GALNT13: variants seen among roughly 807,000 people sequenced by gnomAD.
The protein encoded by GALNT13 is polypeptide N-acetylgalactosaminyltransferase 13.
GALNT13 carries 28 observed loss-of-function variants against 64.2 expected under a neutral mutation model. The ratio of observed to expected loss-of-function variants is 0.44; its 90% CI spans 0.32 to 0.60. GALNT13 has a LOEUF of 0.60. Ranked by LOEUF, GALNT13 falls within the 20% of genes least tolerant of loss-of-function variation. GALNT13 has a pLI of 0.05. For synonymous variants in GALNT13, 214 were observed against 224.6 expected (o/e 0.95, Z 0.42); for missense variants, 577 against 669.8 (o/e 0.86, Z 1.53).
chr2:153,294,438 A>T, the GALNT13 span, among the ~76,000 whole-genome samples: 1 of 152,314 alleles, frequency 6.6e-6, no homozygotes, highest in Non-Finnish European at 1.5e-5. Flanking sequence ...GTGGATTCAG[A>T]TACTGTGGAG....
the GALNT13 span, among the ~76,000 whole-genome samples, chr2:153,506,982 T>C: frequency 2.0e-5 from 3 of 152,212 alleles, no homozygotes; most frequent in African/African-American, 7.2e-5. Flanking sequence ...TCAATCATTC[T>C]TAGGTTTAGA....
the GALNT13 span, among the ~76,000 whole-genome samples, chr2:153,411,180 T>TATA: frequency 3.9e-3 from 352 of 91,100 alleles, 2 homozygotes; most frequent in East Asian, 0.029. Context: ...TATATATATA[T>TATA]TTTTTTTTTT....
At chr2:153,166,119 A>G in the GALNT13 span, among the ~76,000 whole-genome samples, 2 of 152,024 alleles carry the variant, frequency 1.3e-5, no homozygotes, top group African/African-American at 4.8e-5. Flanking sequence ...AAGATTCCCC[A>G]CTCATTTCCT....
chr2:153,126,828 A>G, the GALNT13 span, among the ~76,000 whole-genome samples: 5,216 of 152,290 alleles, frequency 0.034, 202 homozygotes, highest in East Asian at 0.18. Context: ...CTTCATTCAG[A>G]GTGGCACATC....
chr2:153,268,463 G>A, the GALNT13 span, among the ~76,000 whole-genome samples: 1 of 152,170 alleles, frequency 6.6e-6, no homozygotes, highest in East Asian at 1.9e-4. Flanking sequence ...CCCCCTTCCT[G>A]ACTGCTTTCA....
intron 3 of GALNT13, among the ~76,000 whole-genome samples, chr2:154,130,589 C>T (rs1306498983): frequency 1.3e-5 from 2 of 152,080 alleles, no homozygotes; most frequent in East Asian, 1.9e-4. Flanking sequence ...TTAGAGCCTG[C>T]TAATACTTGC....
the GALNT13 span, among the ~76,000 whole-genome samples, chr2:153,215,795 C>T: frequency 2.0e-5 from 3 of 151,324 alleles, no homozygotes; most frequent in East Asian, 1.9e-4. Context: ...TTAAAAGGTA[C>T]TTTAACTAGT....
chr2:153,869,227 T>G (rs944109616), upstream of GALNT13, among the ~76,000 whole-genome samples: 7 of 152,316 alleles, frequency 4.6e-5, no homozygotes, highest in African/African-American at 1.7e-4. Flanking sequence ...TTAATATTGA[T>G]ATAAAACTAA....
In GALNT13 at chr2:154,437,601, A is replaced by G. The variant is rs188310886; in HGVS notation, c.1396-991A>G. Reference sequence around the variant, plus strand: ...GCTGGGCATGGCGGCTCACACCTGTAATCCCAGCACTTTGGGAGGCCGAGG... The same window carrying G: ...GCTGGGCATGGCGGCTCACACCTGTGATCCCAGCACTTTGGGAGGCCGAGG... On this transcript the variant is annotated intron_variant, in intron 11 of 12. Coordinates refer to ENST00000392825, the MANE Select transcript of GALNT13 (RefSeq NM_052917.4). The G allele has an allele frequency of 4.1e-4, 494 of 1,196,936 alleles. 10 individuals carry two copies. The East Asian group carries it at 0.021, about 50-fold the overall frequency. The allele number at this position is 1,196,936 out of a possible 1,614,324, so 74.1% of individuals were successfully genotyped here.
intron 9 of GALNT13, among the ~76,000 whole-genome samples, chr2:154,361,576 T>C (rs1302096774): frequency 1.3e-5 from 2 of 152,054 alleles, no homozygotes; most frequent in South Asian, 2.1e-4. Context: ...ATCCCTCTTA[T>C]ATAAAACTAA....
chr2:153,729,225 A>G, the GALNT13 span, among the ~76,000 whole-genome samples: 3 of 151,006 alleles, frequency 2.0e-5, no homozygotes, highest in Non-Finnish European at 4.4e-5. Context: ...TATCTTTAAA[A>G]CCCTTTTTCC....
the GALNT13 span, among the ~76,000 whole-genome samples, chr2:153,080,470 C>G: frequency 6.6e-6 from 1 of 152,006 alleles, no homozygotes; most frequent in Non-Finnish European, 1.5e-5. Flanking sequence ...AGATAAGGCT[C>G]TTTTTGTGTT....
the GALNT13 span, among the ~76,000 whole-genome samples, chr2:153,391,082 C>T: frequency 2.4e-4 from 37 of 151,938 alleles, no homozygotes; most frequent in South Asian, 6.5e-3. Context: ...GGGAAAAGCA[C>T]TCCAGGCAGA....
chr2:153,441,998 G>A, the GALNT13 span, among the ~76,000 whole-genome samples: 1 of 152,112 alleles, frequency 6.6e-6, no homozygotes, highest in Non-Finnish European at 1.5e-5. Flanking sequence ...AATAGAAGTG[G>A]TGAGAGAAGG....
the GALNT13 span, among the ~76,000 whole-genome samples, chr2:153,240,014 C>T: frequency 6.6e-6 from 1 of 152,130 alleles, no homozygotes; most frequent in African/African-American, 2.4e-5. Flanking sequence ...CTGATCTGTT[C>T]AGATTTTGGA....
At chr2:153,865,627 G>A in the GALNT13 span, among the ~76,000 whole-genome samples, 2 of 112,908 alleles carry the variant, frequency 1.8e-5, no homozygotes, top group South Asian at 7.1e-4. Context: ...TCTCACACCA[G>A]TTAGAATGGC....
At chr2:154,112,518 A>G (rs189541653) in intron 3 of GALNT13, among the ~76,000 whole-genome samples, 4 of 152,224 alleles carry the variant, frequency 2.6e-5, no homozygotes, top group African/African-American at 4.8e-5. Context: ...CTCTTCCCCA[A>G]ATTTCTTTGT....
the GALNT13 span, among the ~76,000 whole-genome samples, chr2:153,494,601 A>C: frequency 6.6e-6 from 1 of 152,078 alleles, no homozygotes; most frequent in African/African-American, 2.4e-5. Flanking sequence ...GTGCTAAAAA[A>C]CTAACAAGAA....
chr2:154,212,917 G>A (rs977177558), intron 4 of GALNT13, among the ~76,000 whole-genome samples: 1 of 151,554 alleles, frequency 6.6e-6, no homozygotes, highest in Non-Finnish European at 1.5e-5. Flanking sequence ...GAATAGGATC[G>A]ATCTCAAAGT....
Sources: gnomAD v4.1 joint callset for allele counts (sites outside exome capture counted in the v4.1 genomes callset) on GRCh38, gnomAD v4.1.1 for gene constraint, MANE v1.5 for transcripts, NCBI Gene and HGNC (gene_info 2026-07-23, HGNC 2026-07-21) for gene names.